The following RNF216 variants were observed in gnomAD, a reference collection of about 807,000 sequenced individuals.
The protein encoded by RNF216 is ring finger protein 216, also known as E3 ubiquitin-protein ligase RNF216.
In RNF216, 72 loss-of-function variants were observed where a neutral mutation model predicts 110.8. That is an observed-to-expected ratio of 0.65 (90% confidence interval 0.54 to 0.79). The LOEUF is 0.79. RNF216 is among the 30% of genes least tolerant of loss of function. The probability of loss-of-function intolerance (pLI) is 0.00; values close to 1 mark genes in which losing one functional copy is unlikely to be tolerated. For synonymous variants in RNF216, 495 were observed against 407.5 expected, an observed-to-expected ratio of 1.21 and a Z score of -2.59; for missense variants, 1,342 against 1,141.2, an observed-to-expected ratio of 1.18 and a Z score of -2.54.
intron 13 of RNF216, among the ~76,000 whole-genome samples, chr7:5,700,241 A>C (rs1584473901): frequency 6.6e-6 from 1 of 152,166 alleles, no homozygotes; most frequent in Non-Finnish European, 1.5e-5. Flanking sequence ...CTCAGCACAC[A>C]CCACAAGCCG....
intron 1 of RNF216, among the ~76,000 whole-genome samples, chr7:5,779,703 C>T (rs531613357): frequency 6.6e-4 from 99 of 150,554 alleles, no homozygotes; most frequent in Middle Eastern, 3.4e-3. Context: ...GTGGTGCGCG[C>T]CTGTAATTCC....
chr7:5,712,831 C>T lies in RNF216; in HGVS notation c.1866G>A (p.Thr622=), dbSNP rs746645455. The T allele has an allele frequency of 2.7e-5, 44 of 1,613,782 alleles. No individual in the cohort carries two copies. The highest frequency in any genetic ancestry group is 5.3e-5 in the African/African-American group (4 of 74,844). Residue 622 remains threonine, a synonymous_variant, in exon 12 of 17, where the codon ACG becomes ACA. Transcript: ENST00000389902. ...CCAGCTCACTGGTTGGGAACGAACA[C>T]GTGCAGCTGCCTTCCATGCAGCTGA... The part of the protein sequence containing the change: ...LELSCMEGSC[T]CSFPTSELEK...
In RNF216 at chr7:5,761,091, T is replaced by C. The variant is rs1584594979; in HGVS notation, c.-22A>G. 2 of 1,525,194 alleles carry C rather than the reference T, an allele frequency of 1.3e-6. No homozygotes were observed. Among genetic ancestry groups the C allele is most frequent in the Non-Finnish European group, 1.8e-6 (2 of 1,125,868 alleles). 94.5% of individuals were successfully genotyped at this position (1,525,194 alleles called of 1,614,324 possible). A position where few individuals can be genotyped will look rare whatever the true frequency, so the allele number is the denominator to read the frequency against. The stretch of plus-strand genomic sequence containing the variant: ...CCATTTTCAAATGCAGACATGCATA[T>C]ATGGGACTGCTAATATCTAAACATG... On this transcript the variant is annotated 5_prime_UTR_variant, in exon 2 of 17. It adds an upstream start codon to the 5' untranslated region. Coordinates refer to ENST00000389902, the MANE Select transcript of RNF216 (RefSeq NM_207111.4).
At position 5,752,946 on chromosome 7, in the gene RNF216, A is replaced by G. The variant is rs777820147; in HGVS notation, c.101T>C (p.Ile34Thr). ...WINLRDGPIT[I>T]SDSSDEERIP... is the part of the protein sequence containing the mutation. ...CCTTTCCTCATCTGAGGAGTCAGAT[A>G]TGGTGATGGGCCCATCTCGGAGATT... The change falls in exon 3 of 17, where the codon ATA (isoleucine) becomes ACA (threonine). Residue 34 changes from isoleucine to threonine, a missense_variant. Coordinates refer to ENST00000389902, the MANE Select transcript of RNF216 (RefSeq NM_207111.4). 9 of 1,611,970 alleles carry G rather than the reference A, an allele frequency of 5.6e-6. No homozygotes were observed. The highest frequency in any genetic ancestry group is 7.6e-6 in the Non-Finnish European group (9 of 1,179,070).
intron 3 of RNF216, among the ~76,000 whole-genome samples, chr7:5,750,640 T>G (rs564201860): frequency 6.6e-5 from 10 of 152,348 alleles, no homozygotes; most frequent in Admixed American, 4.6e-4. Flanking sequence ...TCATGCCTAA[T>G]GCATGGGCCA....
At chr7:5,732,544 A>G (rs1366887058) in intron 5 of RNF216, among the ~76,000 whole-genome samples, 1 of 152,368 alleles carries the variant, frequency 6.6e-6, no homozygotes, top group South Asian at 2.1e-4. Flanking sequence ...TGCTACAGAC[A>G]TGAAGTTCCA....
At chr7:5,721,987 T>C (rs1793456305) in intron 8 of RNF216, among the ~76,000 whole-genome samples, 1 of 152,228 alleles carries the variant, frequency 6.6e-6, no homozygotes, top group African/African-American at 2.4e-5. Flanking sequence ...CAGTGGCACA[T>C]TCACAGATCA....
chr7:5,672,031 G>A (rs140879521), intron 13 of RNF216, among the ~76,000 whole-genome samples: 26 of 152,336 alleles, frequency 1.7e-4, no homozygotes, highest in East Asian at 1.3e-3. Flanking sequence ...TAAGGCAGCC[G>A]AGCTGACCAA....
At chr7:5,674,897 T>G (rs1790174900) in intron 13 of RNF216, among the ~76,000 whole-genome samples, 1 of 151,278 alleles carries the variant, frequency 6.6e-6, no homozygotes, top group African/African-American at 2.4e-5. Context: ...CTCGGGAGGC[T>G]GAGGCAAGAG....
chr7:5,714,970 C>T (rs1385054716), intron 11 of RNF216, 83 bp downstream of exon 11: 13 of 1,316,144 alleles, frequency 9.9e-6, no homozygotes, highest in African/African-American at 2.9e-5. Context: ...CTCAAAGAGG[C>T]ACTTACACTT....
At chr7:5,742,886 G>A (rs193020296) in intron 3 of RNF216, among the ~76,000 whole-genome samples, 61 of 152,090 alleles carry the variant, frequency 4.0e-4, no homozygotes, top group African/African-American at 1.3e-3. Flanking sequence ...GTGGGGCACC[G>A]CGCTTGGCCG....
chr7:5,637,686 C>T (rs890407668), intron 15 of RNF216, among the ~76,000 whole-genome samples: 1 of 152,206 alleles, frequency 6.6e-6, no homozygotes, highest in East Asian at 1.9e-4. Context: ...CAGGTGTGCA[C>T]GCACCACCAC....
chr7:5,717,532 T>A (rs181264673), intron 9 of RNF216, among the ~76,000 whole-genome samples: 61 of 152,266 alleles, frequency 4.0e-4, no homozygotes, highest in Non-Finnish European at 1.3e-4. Flanking sequence ...AAGATGCAAC[T>A]GGGCAGAAAC....
chr7:5,663,137 T>C (rs927994886), intron 13 of RNF216, among the ~76,000 whole-genome samples: 1 of 152,222 alleles, frequency 6.6e-6, no homozygotes, highest in African/African-American at 2.4e-5. Flanking sequence ...ACTTAGCTTA[T>C]GCGTTGTTAC....
chr7:5,780,974 C>T (rs1292762356), intron 1 of RNF216, among the ~76,000 whole-genome samples: 2 of 152,212 alleles, frequency 1.3e-5, no homozygotes, highest in Non-Finnish European at 2.9e-5. Context: ...CCCGGACACC[C>T]GAGCCGGGCC....
chr7:5,743,013 A>C (rs895177274), intron 3 of RNF216, among the ~76,000 whole-genome samples: 25 of 152,218 alleles, frequency 1.6e-4, no homozygotes, highest in African/African-American at 5.5e-4. Flanking sequence ...CTGTAATCCC[A>C]GCATTCAGGG....
chr7:5,767,778 T>C (rs1796281595), intron 1 of RNF216, among the ~76,000 whole-genome samples: 2 of 152,148 alleles, frequency 1.3e-5, no homozygotes, highest in South Asian at 2.1e-4. Context: ...TTTGTATTTT[T>C]AGTAAAGAGG....
chr7:5,664,628 G>A (rs1230848058), intron 13 of RNF216, among the ~76,000 whole-genome samples: 2 of 152,136 alleles, frequency 1.3e-5, no homozygotes, highest in African/African-American at 4.8e-5. Flanking sequence ...CATTCTGCCT[G>A]TGTCCCAGCC....
At chr7:5,720,461 G>C (rs892439479) in intron 9 of RNF216, among the ~76,000 whole-genome samples, 3 of 152,134 alleles carry the variant, frequency 2.0e-5, no homozygotes, top group Non-Finnish European at 4.4e-5. Flanking sequence ...GACTATTATG[G>C]GTAAGGCTTC....
Sources: gnomAD v4.1 joint callset for allele counts (sites outside exome capture counted in the v4.1 genomes callset) on GRCh38, gnomAD v4.1.1 for gene constraint, MANE v1.5 for transcripts, NCBI Gene and HGNC (gene_info 2026-07-23, HGNC 2026-07-21) for gene names.